ZNF578: variants seen among roughly 807,000 people sequenced by gnomAD.
The protein encoded by ZNF578 is zinc finger protein 578, also known as Putative chemokine-related protein B42.
ZNF578 carries 8 observed loss-of-function variants against 8.3 expected under a neutral mutation model. The ratio of observed to expected loss-of-function variants is 0.96; its 90% confidence interval spans 0.56 to 1.74. The LOEUF (loss-of-function observed/expected upper bound fraction) is 1.74. ZNF578 is among the 40% of genes most tolerant of loss of function. ZNF578 has a pLI of 0.00. For missense variants in ZNF578, 726 were observed against 707.5 expected (o/e 1.03, Z -0.30); for synonymous variants, 206 against 232.2 (o/e 0.89, Z 1.03).
At chr19:52,475,997 T>TA (rs1296148432) in intron 2 of ZNF578, among the ~76,000 whole-genome samples, 2 of 152,154 alleles carry the variant, frequency 1.3e-5, no homozygotes, top group African/African-American at 4.8e-5. Flanking sequence ...GACTGTTAAG[T>TA]ATGCCTTGAG....
intron 2 of ZNF578, among the ~76,000 whole-genome samples, chr19:52,485,226 A>G (rs115750952): frequency 0.044 from 6,749 of 152,068 alleles, 494 homozygotes; most frequent in African/African-American, 0.15. Context: ...TTTGTCATCC[A>G]CTCTGGATCC....
chr19:52,481,077 C>G (rs2122841177), intron 2 of ZNF578, among the ~76,000 whole-genome samples: 1 of 152,200 alleles, frequency 6.6e-6, no homozygotes, highest in Admixed American at 6.5e-5. Context: ...ATGTGTGTGA[C>G]TCTGAGCACT....
rs2059477093 is a variant in ZNF578, at chr19:52,516,555, C to T, written c.*4401C>T. On this transcript the variant is annotated 3_prime_UTR_variant, in exon 6 of 6. Transcript: ENST00000421239. ...CACCTGCACGTATACATCCAGATGG[C>T]CTGAAGCAACTGAAGATCCACGAAA... Among the ~76,000 whole-genome samples, 2 of 152,196 alleles carry T rather than the reference C, an allele frequency of 1.3e-5. No individual in the cohort carries two copies. Among genetic ancestry groups the T allele is most frequent in the Non-Finnish European group, 2.9e-5 (2 of 68,018 alleles).
rs414595 is a variant in ZNF578, at chr19:52,515,656, T to A, written c.*3502T>A. 0.49 allele frequency among the ~76,000 whole-genome samples: 73,609 copies of A among 151,142 alleles called. 18,233 individuals carry two copies. Among genetic ancestry groups the A allele is most frequent in the Admixed American group, 0.62 (9,495 of 15,194 alleles). ...CCCTGCAACTTGGCGACGAGGGGCTTGACCAGAAAAGGTCAACCCGAGTGT... is the reference window on the plus strand; with the variant it reads ...CCCTGCAACTTGGCGACGAGGGGCTAGACCAGAAAAGGTCAACCCGAGTGT... On this transcript the variant is annotated 3_prime_UTR_variant, in exon 6 of 6. Coordinates refer to ENST00000421239, the MANE Select transcript of ZNF578 (RefSeq NM_001099694.2).
In ZNF578 at chr19:52,511,003, T is replaced by C. The variant is rs767490509; in HGVS notation, c.622T>C (p.Tyr208His). 1.2e-6 allele frequency: 2 copies of C among 1,614,046 alleles called. No homozygotes were observed. Among genetic ancestry groups the C allele is most frequent in the African/African-American group, 2.7e-5 (2 of 74,924 alleles). Residue 208 changes from tyrosine (Y) to histidine (H), a missense_variant, in exon 6 of 6, where the codon TAT becomes CAT. Coordinates refer to ENST00000421239, the MANE Select transcript of ZNF578 (RefSeq NM_001099694.2). ...GCCTGAAACACATACTCCTAATAAC[T>C]ATGGGAATAATTTTTTCCATTCATC... is the stretch of plus-strand genomic sequence containing the variant. ...CRPETHTPNN[Y>H]GNNFFHSSLL...
At chr19:52,476,804 G>A (rs771304042) in intron 2 of ZNF578, among the ~76,000 whole-genome samples, 7 of 152,174 alleles carry the variant, frequency 4.6e-5, no homozygotes, top group Non-Finnish European at 7.3e-5. Context: ...GGTAGGGGCC[G>A]GTCCTTACTG....
At chr19:52,462,862 C>A (rs960259536) in intron 2 of ZNF578, among the ~76,000 whole-genome samples, 1 of 152,188 alleles carries the variant, frequency 6.6e-6, no homozygotes, top group African/African-American at 2.4e-5. Flanking sequence ...TACAAGCAAA[C>A]CCTCTTCCCC....
At chr19:52,481,510 T>G (rs866174522) in intron 2 of ZNF578, among the ~76,000 whole-genome samples, 7 of 152,210 alleles carry the variant, frequency 4.6e-5, no homozygotes, top group African/African-American at 1.4e-4. Context: ...TTGTTTCAAA[T>G]TATACATATG....
intron 5 of ZNF578, among the ~76,000 whole-genome samples, chr19:52,506,655 G>A (rs1309944593): frequency 6.6e-6 from 1 of 151,872 alleles, no homozygotes; most frequent in Non-Finnish European, 1.5e-5. Context: ...TTTTTTTAGT[G>A]GAGACAGTGT....
intron 2 of ZNF578, among the ~76,000 whole-genome samples, chr19:52,485,050 C>T (rs925778485): frequency 1.3e-5 from 2 of 151,742 alleles, no homozygotes; most frequent in African/African-American, 4.8e-5. Flanking sequence ...AAAAGAGAGT[C>T]GGACTTTGAA....
intron 4 of ZNF578, among the ~76,000 whole-genome samples, chr19:52,503,372 G>GTC (rs1376315566): frequency 3.9e-5 from 6 of 152,100 alleles, no homozygotes; most frequent in Non-Finnish European, 7.3e-5. Flanking sequence ...TTGAGATGGA[G>GTC]TCTCTCTCTG....
intron 2 of ZNF578, among the ~76,000 whole-genome samples, chr19:52,459,713 A>ATGTGTGTGTGTGTGTG (rs1555751309): frequency 5.5e-5 from 1 of 18,232 alleles, no homozygotes; most frequent in African/African-American, 1.4e-4. Context: ...ATATGTAGAT[A>ATGTGTGTGTGTGTGTG]TGTGTGTGTG....
chr19:52,465,278 C>T (rs1337714781), intron 2 of ZNF578, among the ~76,000 whole-genome samples: 1 of 152,122 alleles, frequency 6.6e-6, no homozygotes, highest in Non-Finnish European at 1.5e-5. Flanking sequence ...GGGCTCCCTC[C>T]CCCACCACTC....
chr19:52,479,941 G>A (rs1209314046), intron 2 of ZNF578, among the ~76,000 whole-genome samples: 1 of 151,762 alleles, frequency 6.6e-6, no homozygotes, highest in African/African-American at 2.4e-5. Flanking sequence ...ACGCAGTCTC[G>A]CTCTGTCTCC....
At chr19:52,480,577 G>A (rs868407491) in intron 2 of ZNF578, among the ~76,000 whole-genome samples, 28 of 151,176 alleles carry the variant, frequency 1.9e-4, no homozygotes, top group Middle Eastern at 3.4e-3. Context: ...TACTTTTCAA[G>A]GTGCAGATGT....
intron 2 of ZNF578, among the ~76,000 whole-genome samples, chr19:52,490,642 T>A (rs1159903572): frequency 9.0e-5 from 13 of 144,936 alleles, no homozygotes; most frequent in South Asian, 2.1e-4. Context: ...GTATTAACAT[T>A]TTTTTTTTTT....
rs189966227 is a variant in ZNF578 at position 52,475,158 on chromosome 19, C to T, written c.-121-16166C>T. 7.5e-5 allele frequency: 17 copies of T among 226,426 alleles called. No individual in the cohort carries two copies. The East Asian group carries it at 1.7e-3, about 23-fold the overall frequency. The allele number at this position is 226,426 out of a possible 1,614,324, so 14.0% of individuals were successfully genotyped here. ...TTACATTTGTAAAGTTTATCTGGAT[C>T]CAGGATTATGTCATGGTTACCAAGG... is the stretch of plus-strand genomic sequence containing the variant. On this transcript the variant is annotated intron_variant, in intron 2 of 5. Transcript: ENST00000421239.
intron 3 of ZNF578, among the ~76,000 whole-genome samples, chr19:52,498,329 G>GTTT (rs58765518): frequency 1.8e-4 from 20 of 113,720 alleles, no homozygotes; most frequent in African/African-American, 5.5e-4. Context: ...GCTAATGTGT[G>GTTT]TTTTTTTTTT....
chr19:52,479,365 C>G (rs906624384), intron 2 of ZNF578, among the ~76,000 whole-genome samples: 2 of 151,944 alleles, frequency 1.3e-5, no homozygotes, highest in East Asian at 3.9e-4. Context: ...GAAACCCCAT[C>G]TCTACTAAAA....
Sources: gnomAD v4.1 joint callset for allele counts (sites outside exome capture counted in the v4.1 genomes callset) on GRCh38, gnomAD v4.1.1 for gene constraint, MANE v1.5 for transcripts, NCBI Gene and HGNC (gene_info 2026-07-23, HGNC 2026-07-21) for gene names.